HS2ST1: variants seen among roughly 807,000 people sequenced by gnomAD.
The protein encoded by HS2ST1 is 2-O-sulfotransferase.
In HS2ST1, 18 loss-of-function variants were observed where a neutral mutation model predicts 42.9. The observed-to-expected ratio is 0.42, with a 90% CI of 0.29 to 0.62. The LOEUF (loss-of-function observed/expected upper bound fraction) is 0.62. Among genes scored for constraint, HS2ST1 ranks in the 20% least tolerant of loss-of-function variants. The probability of loss-of-function intolerance (pLI) is 0.21; values close to 1 mark genes in which losing one functional copy is unlikely to be tolerated. For synonymous variants in HS2ST1, 146 were observed against 152.9 expected, an observed-to-expected ratio of 0.95 and a Z score of 0.33; for missense variants, 334 against 433.8, an observed-to-expected ratio of 0.77 and a Z score of 2.04.
chr1:86,934,977 G>A (rs1021874604), intron 1 of HS2ST1: 2 of 146,408 alleles, frequency 1.4e-5, no homozygotes, highest in Admixed American at 6.8e-5. Flanking sequence ...CAGTTTGTTC[G>A]GCTTTCTGGT....
At position 86,968,430 on chromosome 1, in the gene HS2ST1, C is replaced by CTT. The variant is rs5775927; in HGVS notation, c.124+53279_124+53280dup. Among the ~76,000 whole-genome samples the CTT allele has an allele frequency of 1.3e-3, 197 of 149,078 alleles. 1 individual carries two copies. Among genetic ancestry groups the CTT allele is most frequent in the Admixed American group, 4.9e-3 (73 of 14,990 alleles). On this transcript the variant is annotated intron_variant, in intron 1 of 6. Coordinates refer to ENST00000370550, the MANE Select transcript of HS2ST1 (RefSeq NM_012262.4). ...CTTTGGATTACTTATTTCTCCAATC[C>CTT]TTTTTTTTTTGAGCGAGGTCTCACT...
intron 1 of HS2ST1, among the ~76,000 whole-genome samples, chr1:87,004,053 C>T (rs1649365739): frequency 7.1e-6 from 1 of 139,938 alleles, no homozygotes; most frequent in Non-Finnish European, 1.6e-5. Context: ...CACCAAACAG[C>T]TTCTGAATCT....
intron 1 of HS2ST1, among the ~76,000 whole-genome samples, chr1:87,012,575 A>G (rs1023061885): frequency 6.6e-6 from 1 of 152,178 alleles, no homozygotes; most frequent in Non-Finnish European, 1.5e-5. Context: ...TTGGGTGAGG[A>G]CACAGCCAAA....
intron 1 of HS2ST1, among the ~76,000 whole-genome samples, chr1:86,935,810 T>C (rs530620744): frequency 6.6e-6 from 1 of 152,264 alleles, no homozygotes; most frequent in East Asian, 1.9e-4. Context: ...GTGAGGTGTA[T>C]TTTCTGCATT....
chr1:86,946,211 G>A (rs543262342), intron 1 of HS2ST1, among the ~76,000 whole-genome samples: 1 of 152,192 alleles, frequency 6.6e-6, no homozygotes, highest in African/African-American at 2.4e-5. Context: ...TGTTTAGTTT[G>A]GTAGGACAAT....
intron 5 of HS2ST1, among the ~76,000 whole-genome samples, chr1:87,101,045 A>AT (rs1331040900): frequency 6.9e-6 from 1 of 145,854 alleles, no homozygotes; most frequent in Non-Finnish European, 1.5e-5. Flanking sequence ...CTTGCATTTG[A>AT]TTGTAGCCTC....
chr1:86,958,248 G>A (rs1018104008), intron 1 of HS2ST1, among the ~76,000 whole-genome samples: 1 of 152,184 alleles, frequency 6.6e-6, no homozygotes, highest in Non-Finnish European at 1.5e-5. Flanking sequence ...AAGACTCACC[G>A]ATAACATTAA....
At chr1:87,103,851 A>G (rs941729955) in intron 6 of HS2ST1, among the ~76,000 whole-genome samples, 9 of 152,242 alleles carry the variant, frequency 5.9e-5, no homozygotes, top group Admixed American at 2.6e-4. Flanking sequence ...AATGCCAGAT[A>G]TCAAACATTA....
At chr1:86,921,832 T>C (rs567555366) in intron 1 of HS2ST1, among the ~76,000 whole-genome samples, 2 of 152,352 alleles carry the variant, frequency 1.3e-5, no homozygotes, top group South Asian at 4.1e-4. Flanking sequence ...CTAATACTAA[T>C]ACAGACACTT....
chr1:86,921,523 A>G (rs906308432), intron 1 of HS2ST1, among the ~76,000 whole-genome samples: 2 of 152,120 alleles, frequency 1.3e-5, no homozygotes, highest in Non-Finnish European at 2.9e-5. Flanking sequence ...CGGGAGGTGG[A>G]GGGTGTTTAG....
intron 3 of HS2ST1, among the ~76,000 whole-genome samples, chr1:87,086,379 C>T (rs1651815510): frequency 6.6e-6 from 1 of 152,164 alleles, no homozygotes; most frequent in Non-Finnish European, 1.5e-5. Flanking sequence ...TGGGCCTGCA[C>T]AGTTCAGACT....
At chr1:87,015,404 G>A (rs187001459) in intron 1 of HS2ST1, among the ~76,000 whole-genome samples, 6 of 149,040 alleles carry the variant, frequency 4.0e-5, no homozygotes, top group African/African-American at 1.2e-4. Context: ...CTGGAATGCG[G>A]TGGCGCAATC....
At chr1:87,057,280 T>C (rs1379956459) in intron 1 of HS2ST1, among the ~76,000 whole-genome samples, 1 of 152,216 alleles carries the variant, frequency 6.6e-6, no homozygotes, top group African/African-American at 2.4e-5. Context: ...TTTGGTGTCC[T>C]TAACAATCTT....
At chr1:86,916,451 G>T (rs1660160168) in intron 1 of HS2ST1, among the ~76,000 whole-genome samples, 1 of 152,116 alleles carries the variant, frequency 6.6e-6, no homozygotes, top group African/African-American at 2.4e-5. Context: ...TAGCTATTTT[G>T]GTACAAGGCT....
intron 1 of HS2ST1, among the ~76,000 whole-genome samples, chr1:87,002,486 T>G (rs1033455445): frequency 2.0e-5 from 3 of 151,728 alleles, no homozygotes; most frequent in Non-Finnish European, 2.9e-5. Context: ...TCCCTGTTAC[T>G]TGGGAGGCTG....
At chr1:86,955,301 G>C (rs112652531) in intron 1 of HS2ST1, among the ~76,000 whole-genome samples, 14 of 152,178 alleles carry the variant, frequency 9.2e-5, no homozygotes, top group African/African-American at 3.4e-4. Flanking sequence ...TGGGCCGCAC[G>C]TGAGGTGCAG....
intron 1 of HS2ST1, among the ~76,000 whole-genome samples, chr1:87,050,163 A>G (rs6661216): frequency 0.85 from 128,721 of 151,762 alleles, 55,677 homozygotes; most frequent in East Asian, 0.99. Context: ...TTGTGGTCAG[A>G]ATATAGTTGA....
At chr1:86,967,192 G>A (rs531317670) in intron 1 of HS2ST1, among the ~76,000 whole-genome samples, 16 of 152,064 alleles carry the variant, frequency 1.1e-4, no homozygotes, top group Non-Finnish European at 1.5e-4. Context: ...CACCATGCCC[G>A]GCTTATTTAG....
chr1:87,051,212 C>G (rs968005990), intron 1 of HS2ST1, among the ~76,000 whole-genome samples: 8 of 151,836 alleles, frequency 5.3e-5, no homozygotes, highest in Non-Finnish European at 1.0e-4. Context: ...CACGTTAATT[C>G]TACATGATTT....
Sources: allele counts gnomAD v4.1 joint callset (sites outside exome capture counted in the v4.1 genomes callset), GRCh38; gene constraint gnomAD v4.1.1; transcripts MANE v1.5; gene names NCBI Gene and HGNC (gene_info 2026-07-23, HGNC 2026-07-21).